KDM2A: variants seen among roughly 807,000 people sequenced by gnomAD.
KDM2A encodes lysine-specific demethylase 2A.
In KDM2A, 3 loss-of-function variants were observed where a neutral mutation model predicts 137.3. The observed-to-expected ratio is 0.02, with a 90% CI of 0.01 to 0.06. The LOEUF (loss-of-function observed/expected upper bound fraction) is 0.06. KDM2A is among the 10% of genes least tolerant of loss of function. The pLI, the probability that KDM2A is intolerant of heterozygous loss-of-function variation, is 1.00. For missense variants in KDM2A, 738 were observed against 1,510.6 expected (o/e 0.49, Z 8.48); for synonymous variants, 512 against 541.5 (o/e 0.95, Z 0.76).
intron 2 of KDM2A, among the ~76,000 whole-genome samples, chr11:67,154,873 T>C (rs1434197570): frequency 2.6e-5 from 4 of 152,264 alleles, no homozygotes; most frequent in Admixed American, 6.5e-5. Flanking sequence ...GGCTGAATAA[T>C]ATTCCGTTGT....
At chr11:67,147,639 A>G (rs200595292) in intron 2 of KDM2A, among the ~76,000 whole-genome samples, 2 of 151,646 alleles carry the variant, frequency 1.3e-5, no homozygotes, top group East Asian at 3.9e-4. Context: ...TTCAAGGATC[A>G]AGGGCTTTCT....
intron 16 of KDM2A, among the ~76,000 whole-genome samples, chr11:67,249,656 G>A (rs956333710): frequency 1.3e-5 from 2 of 152,172 alleles, no homozygotes; most frequent in African/African-American, 2.4e-5. Context: ...TATTATTCAC[G>A]TGGGGGTTGG....
chr11:67,233,698 C>A, intron 12 of KDM2A, among the ~76,000 whole-genome samples: 1 of 146,270 alleles, frequency 6.8e-6, no homozygotes. Flanking sequence ...ACTAAAGTAG[C>A]TAAATAAGGA....
At chr11:67,148,878 T>G (rs975380021) in intron 2 of KDM2A, among the ~76,000 whole-genome samples, 5 of 152,080 alleles carry the variant, frequency 3.3e-5, no homozygotes, top group African/African-American at 1.2e-4. Context: ...TCTATGGTAT[T>G]TTGCCTAGAA....
chr11:67,177,102 C>T (rs755671431), intron 2 of KDM2A, among the ~76,000 whole-genome samples: 6 of 151,984 alleles, frequency 3.9e-5, no homozygotes, highest in Non-Finnish European at 8.8e-5. Flanking sequence ...TACAAAAATA[C>T]AAAAATTAGC....
At chr11:67,134,819 A>C (rs1295704286) in intron 2 of KDM2A, among the ~76,000 whole-genome samples, 1 of 152,106 alleles carries the variant, frequency 6.6e-6, no homozygotes, top group Non-Finnish European at 1.5e-5. Flanking sequence ...ATTTTAGATA[A>C]ATCTAACACA....
intron 5 of KDM2A, among the ~76,000 whole-genome samples, chr11:67,201,699 C>T (rs966692342): frequency 3.0e-5 from 4 of 134,920 alleles, no homozygotes; most frequent in East Asian, 2.3e-4. Flanking sequence ...ACCTGGGAGA[C>T]GGAGGTTGCA....
At chr11:67,224,659 G>A (rs1455715191) in intron 10 of KDM2A, among the ~76,000 whole-genome samples, 1 of 150,480 alleles carries the variant, frequency 6.6e-6, no homozygotes, top group East Asian at 2.0e-4. Flanking sequence ...GTAGAGATGG[G>A]GTTTCACTGT....
At chr11:67,167,584 A>G (rs1020261882) in intron 2 of KDM2A, among the ~76,000 whole-genome samples, 8 of 144,992 alleles carry the variant, frequency 5.5e-5, no homozygotes, top group African/African-American at 1.9e-4. Context: ...CTTCACAGCT[A>G]TCTTTTTTTT....
At chr11:67,205,295 T>C (rs984307880) in intron 5 of KDM2A, among the ~76,000 whole-genome samples, 5 of 152,174 alleles carry the variant, frequency 3.3e-5, no homozygotes, top group African/African-American at 1.2e-4. Context: ...CCTTACATTA[T>C]TAGTTATGTT....
chr11:67,124,701 A>AT (rs994978167), intron 2 of KDM2A, among the ~76,000 whole-genome samples: 51 of 116,352 alleles, frequency 4.4e-4, no homozygotes, highest in African/African-American at 5.2e-4. Context: ...TCTTGGCAAG[A>AT]TTTTTTTTTT....
intron 12 of KDM2A, among the ~76,000 whole-genome samples, chr11:67,241,259 TG>T (rs1451553536): frequency 6.6e-6 from 1 of 152,150 alleles, no homozygotes; most frequent in South Asian, 2.1e-4. Context: ...TTGTCCCACG[TG>T]GCACCACACC....
chr11:67,174,664 A>G (rs996218562), intron 2 of KDM2A, among the ~76,000 whole-genome samples: 2 of 152,190 alleles, frequency 1.3e-5, no homozygotes, highest in African/African-American at 2.4e-5. Context: ...ACCACTTTAT[A>G]TAGTTAATTA....
At chr11:67,143,252 C>T (rs1719848785) in intron 2 of KDM2A, 1 of 151,950 alleles carries the variant, frequency 6.6e-6, no homozygotes, top group African/African-American at 2.4e-5. Flanking sequence ...GGTGATCCTC[C>T]CGCCTCCGCC....
In KDM2A at chr11:67,152,905, AGTGTGTGTGTGTGTGT is replaced by A. The variant is rs146532672; in HGVS notation, c.43-27141_43-27126del. ...TGAGACTATAGGATTACAGTGCCAG[AGTGTGTGTGTGTGTGT>A]GTGTGTGTGTGTGTGTGTGTGTGTG... On this transcript the variant is annotated intron_variant, in intron 2 of 20. Coordinates refer to ENST00000529006, the MANE Select transcript of KDM2A (RefSeq NM_012308.3). Among the ~76,000 whole-genome samples the A allele has an allele frequency of 2.6e-3, 373 of 142,642 alleles. 3 individuals are homozygous for A. Among genetic ancestry groups the A allele is most frequent in the South Asian group, 8.3e-3 (36 of 4,312 alleles). The allele number at this position is 142,642 out of a possible 152,430, so 93.6% of individuals were successfully genotyped here.
At chr11:67,240,198 G>A (rs1310750550) in intron 12 of KDM2A, 3 of 1,533,990 alleles carry the variant, frequency 2.0e-6, no homozygotes, top group East Asian at 2.4e-5. Flanking sequence ...GAGCTGGACT[G>A]CCCTGCCCTA....
Position 67,227,448 on chromosome 11 carries a change from T to C in KDM2A, c.958-589T>C, listed in dbSNP as rs540788794. Among the ~76,000 whole-genome samples, 9 of 152,060 alleles carry C rather than the reference T, an allele frequency of 5.9e-5. No individual in the cohort carries two copies. In the South Asian group the frequency reaches 8.3e-4, roughly 14 times the overall value. On this transcript the variant is annotated intron_variant, in intron 10 of 20. Coordinates refer to ENST00000529006, the MANE Select transcript of KDM2A (RefSeq NM_012308.3). ...GTACTTTGCATGCCTTTTTTTCAAG[T>C]ATTTTGTGTCTTACTCTTACATTTT... is the stretch of plus-strand genomic sequence containing the variant.
intron 5 of KDM2A, among the ~76,000 whole-genome samples, chr11:67,193,937 G>A (rs1344630408): frequency 1.3e-5 from 2 of 152,138 alleles, no homozygotes; most frequent in Admixed American, 6.6e-5. Context: ...CTAGCCCCAG[G>A]CCTCAAGCTG....
At chr11:67,174,387 T>TA (rs1856937256) in intron 2 of KDM2A, among the ~76,000 whole-genome samples, 1 of 152,228 alleles carries the variant, frequency 6.6e-6, no homozygotes, top group Admixed American at 6.5e-5. Context: ...TCCCAACTCT[T>TA]ACCTGCTTTT....
Sources: gnomAD v4.1 joint callset for allele counts (sites outside exome capture counted in the v4.1 genomes callset) on GRCh38, gnomAD v4.1.1 for gene constraint, MANE v1.5 for transcripts, NCBI Gene and HGNC (gene_info 2026-07-23, HGNC 2026-07-21) for gene names.